The following TTC4 variants were observed in gnomAD, a reference collection of about 807,000 sequenced individuals.
TTC4 encodes tetratricopeptide repeat domain 4, also known as hsp70/Hsp90 co-chaperone CNS1 homolog.
TTC4 carries 36 observed loss-of-function variants against 51.9 expected under a neutral mutation model. The observed-to-expected ratio is 0.69, with a 90% CI of 0.53 to 0.92. The LOEUF (loss-of-function observed/expected upper bound fraction) is 0.92, where lower values mean the gene tolerates loss of function less well. Ranked by LOEUF, TTC4 falls within the 40% of genes least tolerant of loss-of-function variation. The probability of loss-of-function intolerance (pLI) is 0.00; values close to 1 mark genes in which losing one functional copy is unlikely to be tolerated. For missense variants in TTC4, 399 were observed against 454.6 expected (o/e 0.88, Z 1.11); for synonymous variants, 144 against 164.2 (o/e 0.88, Z 0.94).
chr1:54,732,313 T>G (rs1399909149), intron 7 of TTC4, among the ~76,000 whole-genome samples: 5 of 99,404 alleles, frequency 5.0e-5, no homozygotes, highest in Non-Finnish European at 9.3e-5. Context: ...AAAGCAAGAC[T>G]CTGTCTCAAA....
chr1:54,719,710 A>G (rs945154907), intron 3 of TTC4, among the ~76,000 whole-genome samples: 1 of 152,224 alleles, frequency 6.6e-6, no homozygotes, highest in Non-Finnish European at 1.5e-5. Context: ...TGTTTGCTTT[A>G]TTAGTCTGCT....
At chr1:54,728,064 C>G (rs536683373) in intron 5 of TTC4, among the ~76,000 whole-genome samples, 16 of 152,342 alleles carry the variant, frequency 1.1e-4, no homozygotes, top group Admixed American at 5.2e-4. Context: ...CATAATCCAC[C>G]TGTTATACTG....
At chr1:54,739,517 A>G (rs931481169) in intron 9 of TTC4, among the ~76,000 whole-genome samples, 1 of 152,202 alleles carries the variant, frequency 6.6e-6, no homozygotes, top group African/African-American at 2.4e-5. Context: ...TGCACAGGGC[A>G]GTCCTGCTAT....
chr1:54,715,908 T>C lies in TTC4; in HGVS notation c.-1T>C, dbSNP rs752173255. On this transcript the variant is annotated 5_prime_UTR_variant, in exon 1 of 10. Transcript: ENST00000371281. ...CCGGGCTGGAAGGCAGGGCATCAGCTATGGAACAACCTGGGCAGGATCCCA... is the reference window on the plus strand; with the variant it reads ...CCGGGCTGGAAGGCAGGGCATCAGCCATGGAACAACCTGGGCAGGATCCCA... 6.2e-7 allele frequency: 1 copy of C among 1,603,746 alleles called. No individual in the cohort carries two copies. The highest frequency in any genetic ancestry group is 8.5e-7 in the Non-Finnish European group (1 of 1,175,678).
chr1:54,716,039 C>T lies in TTC4; in HGVS notation c.111+20C>T. 1.3e-6 allele frequency: 2 copies of T among 1,557,910 alleles called. No homozygotes were observed. The highest frequency in any genetic ancestry group is 1.7e-6 in the Non-Finnish European group (2 of 1,149,708). On this transcript the variant is annotated intron_variant, in intron 1 of 9. Transcript: ENST00000371281. ...GAGAAGGTGGGCGGTCCTGGGGTCT[C>T]CCCACGTGTGTAGGGGCGTCGTCCG... is the stretch of plus-strand genomic sequence containing the variant.
intron 6 of TTC4, among the ~76,000 whole-genome samples, chr1:54,729,662 T>C (rs760670993): frequency 1.3e-5 from 2 of 152,010 alleles, no homozygotes; most frequent in Non-Finnish European, 2.9e-5. Flanking sequence ...ACCTAGGGAG[T>C]CACCTGTTTG....
At position 54,715,960 on chromosome 1, in the gene TTC4, C is replaced by T. The variant is rs1277415067; in HGVS notation, c.52C>T (p.Leu18=). 1 of 1,606,890 alleles carries T rather than the reference C, an allele frequency of 6.2e-7. No individual in the cohort carries two copies. The highest frequency in any genetic ancestry group is 1.3e-5 in the African/African-American group (1 of 74,824). The change falls in exon 1 of 10, where the codon CTG becomes TTG. Residue 18 remains leucine (L), a synonymous_variant. Transcript: ENST00000371281. ...CTCAGACGACGTCATGGACTCGTTC[C>T]TGGAAAAGTTCCAGAGCCAGCCTTA... The part of the protein sequence containing the change: ...PTSDDVMDSF[L]EKFQSQPYRG...
chr1:54,721,115 C>T, intron 3 of TTC4, 48 bp from the exon 4 acceptor site: 1 of 1,583,328 alleles, frequency 6.3e-7, no homozygotes, highest in African/African-American at 1.3e-5. Context: ...ATTTTGGAAA[C>T]ATTTTGATCT....
chr1:54,732,459 A>ATTT (rs553266972), intron 7 of TTC4, among the ~76,000 whole-genome samples: 5 of 139,860 alleles, frequency 3.6e-5, no homozygotes, highest in African/African-American at 7.8e-5. Context: ...TTTTTTTGTA[A>ATTT]TTTTTTTTTT....
chr1:54,734,350 G>T (rs1415085746), intron 8 of TTC4, among the ~76,000 whole-genome samples: 2 of 151,842 alleles, frequency 1.3e-5, no homozygotes, highest in Non-Finnish European at 2.9e-5. Context: ...GGGATTATAG[G>T]TGTGAGCCAC....
chr1:54,739,073 T>C (rs1450219673), intron 9 of TTC4, among the ~76,000 whole-genome samples: 1 of 151,840 alleles, frequency 6.6e-6, no homozygotes, highest in Non-Finnish European at 1.5e-5. Flanking sequence ...GGTTTTACCA[T>C]GTTGGCCAGG....
At chr1:54,724,935 G>T (rs1486198578) in intron 5 of TTC4, among the ~76,000 whole-genome samples, 6 of 152,174 alleles carry the variant, frequency 3.9e-5, no homozygotes, top group Admixed American at 2.0e-4. Context: ...CAAGAAAAAT[G>T]TTGGAACCTC....
At chr1:54,728,041 G>C (rs6588529) in intron 5 of TTC4, among the ~76,000 whole-genome samples, 18,186 of 152,100 alleles carry the variant, frequency 0.12, 1,831 homozygotes, top group African/African-American at 0.27. Flanking sequence ...CGGATCACAC[G>C]ACCAGAGTAG....
intron 5 of TTC4, among the ~76,000 whole-genome samples, chr1:54,727,688 C>CAAAAAAAA (rs200521894): frequency 6.9e-5 from 3 of 43,594 alleles, no homozygotes; most frequent in Non-Finnish European, 1.3e-4. Context: ...CTCATCTCTA[C>CAAAAAAAA]AAAAAAAAAA....
intron 7 of TTC4, among the ~76,000 whole-genome samples, chr1:54,733,158 G>T (rs1017493042): frequency 4.1e-5 from 6 of 147,020 alleles, no homozygotes; most frequent in African/African-American, 1.6e-4. Context: ...GCTCACACCT[G>T]TAATCCCAAT....
At chr1:54,733,516 C>A in intron 7 of TTC4, 113 bp from the exon 8 acceptor site, 2 of 704,410 alleles carry the variant, frequency 2.8e-6, no homozygotes, top group South Asian at 2.7e-5. Context: ...TGGGTTAAGC[C>A]TGCATTTCAT....
At chr1:54,719,401 C>G (rs1645716742) in intron 3 of TTC4, among the ~76,000 whole-genome samples, 1 of 148,826 alleles carries the variant, frequency 6.7e-6, no homozygotes, top group Admixed American at 6.6e-5. Flanking sequence ...GTTACTTGTT[C>G]CTTTGTTTTC....
At chr1:54,732,581 C>T (rs576945306) in intron 7 of TTC4, among the ~76,000 whole-genome samples, 1 of 151,612 alleles carries the variant, frequency 6.6e-6, no homozygotes, top group African/African-American at 2.4e-5. Flanking sequence ...GCCTCAGCCT[C>T]TCAAGTAGCT....
intron 5 of TTC4, among the ~76,000 whole-genome samples, chr1:54,723,349 T>A (rs559208691): frequency 3.9e-5 from 6 of 152,316 alleles, no homozygotes; most frequent in African/African-American, 1.4e-4. Flanking sequence ...TGGAGACACG[T>A]CTTGTCCAGG....
Sources: gnomAD v4.1 joint callset for allele counts (sites outside exome capture counted in the v4.1 genomes callset) on GRCh38, gnomAD v4.1.1 for gene constraint, MANE v1.5 for transcripts, NCBI Gene and HGNC (gene_info 2026-07-23, HGNC 2026-07-21) for gene names.